DLG1: variants seen among roughly 807,000 people sequenced by gnomAD.
The protein encoded by DLG1 is discs large MAGUK scaffold protein 1.
In DLG1, 42 loss-of-function variants were observed where a neutral mutation model predicts 123.4. The observed-to-expected ratio is 0.34, with a 90% CI of 0.27 to 0.44. DLG1 has a LOEUF of 0.44. Among genes scored for constraint, DLG1 ranks in the 20% least tolerant of loss-of-function variants. The pLI is 1.00. For synonymous variants in DLG1, 317 were observed against 356.2 expected (o/e 0.89, Z 1.24); for missense variants, 942 against 1,082.6 (o/e 0.87, Z 1.82).
intron 4 of DLG1, among the ~76,000 whole-genome samples, chr3:197,272,352 GGAAAAAAAAAA>G (rs971711770): frequency 6.7e-6 from 1 of 148,622 alleles, no homozygotes; most frequent in South Asian, 2.1e-4. Context: ...CCTCCTCTAA[GGAAAAAAAAAA>G]GAAAAAAAAA....
intron 18 of DLG1, 142 bp from the exon 19 acceptor site, chr3:197,069,402 G>A (rs1166700772): frequency 6.2e-6 from 3 of 482,392 alleles, no homozygotes; most frequent in Non-Finnish European, 1.1e-5. Context: ...AAACGTTTAA[G>A]TTTTTCAAAT....
At chr3:197,253,991 C>G (rs1755695367) in intron 4 of DLG1, among the ~76,000 whole-genome samples, 1 of 151,822 alleles carries the variant, frequency 6.6e-6, no homozygotes, top group African/African-American at 2.4e-5. Flanking sequence ...AGAAAGAAGC[C>G]TTTTGTAAGA....
intron 7 of DLG1, 51 bp downstream of exon 7, chr3:197,142,664 AAGC>A (rs1191699007): frequency 2.3e-6 from 3 of 1,306,340 alleles, no homozygotes; most frequent in Non-Finnish European, 3.2e-6. Flanking sequence ...CTGTATGAAA[AAGC>A]AGTATATTAC....
At chr3:197,139,720 T>C (rs2149643395) in intron 8 of DLG1, among the ~76,000 whole-genome samples, 1 of 152,312 alleles carries the variant, frequency 6.6e-6, no homozygotes, top group South Asian at 2.1e-4. Context: ...CTTAAATAAG[T>C]TTATATACAT....
chr3:197,052,972 G>C (rs1011991982), intron 23 of DLG1, among the ~76,000 whole-genome samples: 1 of 152,132 alleles, frequency 6.6e-6, no homozygotes, highest in Non-Finnish European at 1.5e-5. Context: ...ATTATTTTAA[G>C]TATGATAATC....
At chr3:197,298,069 T>C (rs1243313912) in intron 1 of DLG1, 1 of 366,530 alleles carries the variant, frequency 2.7e-6, no homozygotes, top group Non-Finnish European at 3.8e-6. Flanking sequence ...CCCCGGAACC[T>C]CGCCTCCTTC....
intron 13 of DLG1, among the ~76,000 whole-genome samples, chr3:197,115,216 T>C (rs1311223919): frequency 2.0e-5 from 3 of 151,818 alleles, no homozygotes; most frequent in Non-Finnish European, 4.4e-5. Context: ...AGAAGTAAAA[T>C]ACTAGAAATG....
intron 4 of DLG1, among the ~76,000 whole-genome samples, chr3:197,241,834 T>C (rs1749052363): frequency 6.6e-6 from 1 of 152,056 alleles, no homozygotes; most frequent in Non-Finnish European, 1.5e-5. Context: ...CAAAAACCTA[T>C]AACAAATTCA....
chr3:197,222,910 T>C (rs1737877305), intron 4 of DLG1, among the ~76,000 whole-genome samples: 1 of 152,152 alleles, frequency 6.6e-6, no homozygotes, highest in Non-Finnish European at 1.5e-5. Flanking sequence ...AGCTTGATAC[T>C]ACAAAAAAAC....
intron 4 of DLG1, among the ~76,000 whole-genome samples, chr3:197,202,945 G>T (rs148317081): frequency 1.3e-5 from 2 of 152,194 alleles, no homozygotes; most frequent in African/African-American, 4.8e-5. Flanking sequence ...TGACAGTGAA[G>T]TGGAAGGGAA....
chr3:197,193,356 A>C (rs1021652896), intron 5 of DLG1, among the ~76,000 whole-genome samples: 2 of 152,184 alleles, frequency 1.3e-5, no homozygotes, highest in African/African-American at 4.8e-5. Context: ...GCCAAAAATA[A>C]GAATACCGAT....
At chr3:197,251,134 C>A (rs1293865723) in intron 4 of DLG1, among the ~76,000 whole-genome samples, 2 of 151,726 alleles carry the variant, frequency 1.3e-5, no homozygotes, top group African/African-American at 4.8e-5. Context: ...GCCTGTAACC[C>A]CAGCATTTGG....
intron 4 of DLG1, among the ~76,000 whole-genome samples, chr3:197,268,673 A>G (rs1405291373): frequency 6.6e-6 from 1 of 151,950 alleles, no homozygotes; most frequent in Non-Finnish European, 1.5e-5. Flanking sequence ...TTCTTTCTTC[A>G]GTAATAAATT....
rs138270830 is a variant in DLG1, at chr3:197,097,143, C to A, written c.1547-6117G>T. 2.6e-5 allele frequency among the ~76,000 whole-genome samples: 4 copies of A among 152,348 alleles called. No homozygotes were observed. The East Asian group carries it at 7.7e-4, about 29-fold the overall frequency. ...TACTCAATTTGGATTTTATTCCCAG[C>A]AGTTCTTCCTTAGTGTGGGGCTTTA... is the stretch of plus-strand genomic sequence containing the variant. On this transcript the variant is annotated intron_variant, in intron 14 of 24. Coordinates refer to ENST00000667157, the MANE Select transcript of DLG1 (RefSeq NM_001366207.1).
At chr3:197,221,280 G>A (rs145299636) in intron 4 of DLG1, among the ~76,000 whole-genome samples, 1,659 of 152,302 alleles carry the variant, frequency 0.011, 30 homozygotes, top group African/African-American at 0.038. Context: ...CACTTTGAGA[G>A]AACAAGGCGG....
chr3:197,108,580 C>A (rs1416275305), intron 13 of DLG1, among the ~76,000 whole-genome samples: 2 of 107,038 alleles, frequency 1.9e-5, no homozygotes, highest in African/African-American at 7.1e-5. Flanking sequence ...AAATATATAC[C>A]ATCTATGACT....
At chr3:197,253,097 C>T (rs960414651) in intron 4 of DLG1, among the ~76,000 whole-genome samples, 8 of 152,010 alleles carry the variant, frequency 5.3e-5, no homozygotes, top group African/African-American at 1.9e-4. Flanking sequence ...GGTTTTGTTC[C>T]ACGAAAGATC....
chr3:197,255,774 TA>T (rs35788077), intron 4 of DLG1, among the ~76,000 whole-genome samples: 82,950 of 149,032 alleles, frequency 0.56, 23,654 homozygotes, highest in Middle Eastern at 0.68. Flanking sequence ...TGATATGAGT[TA>T]AAAAAAAAAA....
At chr3:197,045,698 C>T (rs1011696463) in intron 24 of DLG1, among the ~76,000 whole-genome samples, 15 of 152,172 alleles carry the variant, frequency 9.9e-5, no homozygotes, top group African/African-American at 3.1e-4. Flanking sequence ...GAGCTATGAT[C>T]GTACCATTGG....
Sources: allele counts gnomAD v4.1 joint callset (sites outside exome capture counted in the v4.1 genomes callset), GRCh38; gene constraint gnomAD v4.1.1; transcripts MANE v1.5; gene names NCBI Gene and HGNC (gene_info 2026-07-23, HGNC 2026-07-21).